CHST11: variants seen among roughly 807,000 people sequenced by gnomAD.
CHST11 encodes C4S-1.
Under a neutral mutation model 30.4 loss-of-function variants are expected in CHST11, and 9 were observed. That is an observed-to-expected ratio of 0.30 (90% CI 0.18 to 0.52). CHST11 has a LOEUF of 0.52. CHST11 is among the 20% of genes least tolerant of loss of function. CHST11 has a pLI of 0.97. For missense variants in CHST11, 348 were observed against 460.6 expected (o/e 0.76, Z 2.24); for synonymous variants, 152 against 187.8 (o/e 0.81, Z 1.56).
At chr12:104,572,365 G>A (rs2038636968) in intron 1 of CHST11, among the ~76,000 whole-genome samples, 1 of 148,116 alleles carries the variant, frequency 6.8e-6, no homozygotes, top group South Asian at 2.1e-4. Context: ...TGGTTGGTAA[G>A]CTATTAAGTA....
At chr12:104,492,228 C>G (rs1178842564) in intron 1 of CHST11, among the ~76,000 whole-genome samples, 1 of 152,196 alleles carries the variant, frequency 6.6e-6, no homozygotes, top group Non-Finnish European at 1.5e-5. Flanking sequence ...TCCTGAGTAA[C>G]TGGGACTATG....
intron 1 of CHST11, among the ~76,000 whole-genome samples, chr12:104,577,782 G>A (rs574727244): frequency 2.6e-5 from 4 of 152,246 alleles, no homozygotes; most frequent in African/African-American, 4.8e-5. Context: ...TTCAAATGCC[G>A]CTGACTCAAG....
At chr12:104,472,400 CA>C (rs1192216968) in intron 1 of CHST11, among the ~76,000 whole-genome samples, 1 of 152,068 alleles carries the variant, frequency 6.6e-6, no homozygotes, top group Non-Finnish European at 1.5e-5. Context: ...TACACACACA[CA>C]CACACACACA....
At chr12:104,750,428 CTTTTTTTTTTTTTTTT>C (rs10659007) in intron 2 of CHST11, among the ~76,000 whole-genome samples, 2 of 48,828 alleles carry the variant, frequency 4.1e-5, no homozygotes, top group Admixed American at 3.2e-4. Flanking sequence ...TATTTCTGCA[CTTTTTTTTTTTTTTTT>C]TTTTTTTTTT....
chr12:104,468,043 G>A (rs1485940963), intron 1 of CHST11, among the ~76,000 whole-genome samples: 1 of 151,918 alleles, frequency 6.6e-6, no homozygotes, highest in Non-Finnish European at 1.5e-5. Flanking sequence ...TGTCCTCATG[G>A]AACATACATC....
At chr12:104,632,205 T>C (rs564126908) in intron 2 of CHST11, among the ~76,000 whole-genome samples, 1 of 150,846 alleles carries the variant, frequency 6.6e-6, no homozygotes, top group African/African-American at 2.4e-5. Context: ...AAATGATGGA[T>C]GAATAGAATT....
chr12:104,500,660 T>A (rs2037844915), intron 1 of CHST11, among the ~76,000 whole-genome samples: 2 of 152,150 alleles, frequency 1.3e-5, no homozygotes, highest in African/African-American at 4.8e-5. Context: ...TACATATATG[T>A]TTTTCCCCAC....
chr12:104,685,713 G>A (rs903696522), intron 2 of CHST11, among the ~76,000 whole-genome samples: 4 of 152,164 alleles, frequency 2.6e-5, no homozygotes, highest in African/African-American at 4.8e-5. Flanking sequence ...TGGTTGAGCC[G>A]GTGAAGAATT....
At chr12:104,733,745 G>T (rs551552787) in intron 2 of CHST11, among the ~76,000 whole-genome samples, 4 of 152,200 alleles carry the variant, frequency 2.6e-5, no homozygotes, top group African/African-American at 9.6e-5. Context: ...TCATTAAGTA[G>T]GTGGCAGAAC....
At chr12:104,744,844 C>CATTT (rs142255091) in intron 2 of CHST11, among the ~76,000 whole-genome samples, 9,716 of 148,020 alleles carry the variant, frequency 0.066, 394 homozygotes, top group African/African-American at 0.11. Context: ...ATCCCAGCAT[C>CATTT]ATTTATTTAT....
chr12:104,634,278 T>A (rs1240357662), intron 2 of CHST11, among the ~76,000 whole-genome samples: 1 of 152,188 alleles, frequency 6.6e-6, no homozygotes, highest in Non-Finnish European at 1.5e-5. Context: ...TCCTGGGGAA[T>A]GAAAGACATT....
At chr12:104,714,915 TA>T (rs2040118000) in intron 2 of CHST11, among the ~76,000 whole-genome samples, 1 of 152,178 alleles carries the variant, frequency 6.6e-6, no homozygotes, top group Non-Finnish European at 1.5e-5. Flanking sequence ...ACTCAAGACC[TA>T]ATGTTCCGAT....
chr12:104,521,569 G>A (rs1315945163), intron 1 of CHST11, among the ~76,000 whole-genome samples: 1 of 152,176 alleles, frequency 6.6e-6, no homozygotes, highest in South Asian at 2.1e-4. Context: ...CTCTCCTGAC[G>A]CTTAGCTCAG....
chr12:104,698,696 T>C (rs1457163263), intron 2 of CHST11, among the ~76,000 whole-genome samples: 1 of 152,240 alleles, frequency 6.6e-6, no homozygotes, highest in Non-Finnish European at 1.5e-5. Context: ...AGAAAGTTTT[T>C]CTGCTGAGCA....
intron 2 of CHST11, among the ~76,000 whole-genome samples, chr12:104,700,386 A>G (rs1426554881): frequency 3.9e-5 from 6 of 152,218 alleles, no homozygotes; most frequent in African/African-American, 1.4e-4. Flanking sequence ...TCATTATTCC[A>G]CAGGAGTCAC....
At chr12:104,704,874 T>C (rs1340668369) in intron 2 of CHST11, among the ~76,000 whole-genome samples, 1 of 152,082 alleles carries the variant, frequency 6.6e-6, no homozygotes, top group Non-Finnish European at 1.5e-5. Flanking sequence ...GGCCCCTCAG[T>C]ACTCCTCCTG....
At position 104,572,737 on chromosome 12, in the gene CHST11, G is replaced by T. The variant is rs936703086; in HGVS notation, c.119-29169G>T. Among the ~76,000 whole-genome samples, 28 of 151,868 alleles carry T rather than the reference G, an allele frequency of 1.8e-4. 1 individual carries two copies. The highest frequency in any genetic ancestry group is 2.6e-4 in the Non-Finnish European group (18 of 67,958). On this transcript the variant is annotated intron_variant, in intron 1 of 2. Coordinates refer to ENST00000303694, the MANE Select transcript of CHST11 (RefSeq NM_018413.6). Reference sequence around the variant, plus strand: ...TCCTTCAGTTCTGCTCTGATCTTAGGTATTTCTTGCCTTCTGCTAGCTTTT... The same window carrying T: ...TCCTTCAGTTCTGCTCTGATCTTAGTTATTTCTTGCCTTCTGCTAGCTTTT...
At chr12:104,696,482 CAA>C (rs10602668) in intron 2 of CHST11, among the ~76,000 whole-genome samples, 2,132 of 68,986 alleles carry the variant, frequency 0.031, 24 homozygotes, top group African/African-American at 0.092. Flanking sequence ...GCTAAAAATA[CAA>C]AAAAAAAAAA....
At position 104,600,398 on chromosome 12, in the gene CHST11, A is replaced by G. The variant is rs1385005215; in HGVS notation, c.119-1508A>G. 6.6e-6 allele frequency among the ~76,000 whole-genome samples: 1 copy of G among 152,184 alleles called. No individual in the cohort carries two copies. Among genetic ancestry groups the G allele is most frequent in the East Asian group, 1.9e-4 (1 of 5,200 alleles). ...CTCATCAGTCCCCTTGATAGCCACA[A>G]ATAGAGAAGTTCCCGCCTTCCTCCC... On this transcript the variant is annotated intron_variant, in intron 1 of 2. Coordinates refer to ENST00000303694, the MANE Select transcript of CHST11 (RefSeq NM_018413.6). The surrounding 1 kb of genome is among the most constrained non-coding windows in gnomAD (Gnocchi z 4.1).
Sources: gnomAD v4.1 joint callset for allele counts (sites outside exome capture counted in the v4.1 genomes callset) on GRCh38, gnomAD v4.1.1 for gene constraint, Gnocchi (gnomAD v3.1) non-coding constraint, MANE v1.5 for transcripts, NCBI Gene and HGNC (gene_info 2026-07-23, HGNC 2026-07-21) for gene names.